The following KLHL4 variants were observed in gnomAD, a reference collection of about 807,000 sequenced individuals.
KLHL4 encodes kelch like family member 4.
Under a neutral mutation model 45.8 loss-of-function variants are expected in KLHL4, and 17 were observed. The observed-to-expected ratio is 0.37, with a 90% confidence interval of 0.25 to 0.56. The LOEUF (loss-of-function observed/expected upper bound fraction) is 0.56, where lower values mean the gene tolerates loss of function less well. KLHL4 is among the 20% of genes least tolerant of loss of function. KLHL4 has a pLI of 0.79. For missense variants in KLHL4, 544 were observed against 544.9 expected (o/e 1.00, Z 0.02); for synonymous variants, 224 against 189.9 (o/e 1.18, Z -1.47).
chrX:87,600,189 T>C (rs1309327346), intron 1 of KLHL4, among the ~76,000 whole-genome samples: 2 of 110,772 alleles, frequency 1.8e-5, no homozygotes, highest in Non-Finnish European at 3.8e-5. Flanking sequence ...TCCGGTCATT[T>C]AAAAGTGTGT....
At chrX:87,602,444 T>C (rs1482499384) in intron 1 of KLHL4, among the ~76,000 whole-genome samples, 1 of 111,391 alleles carries the variant, frequency 9.0e-6, no homozygotes, top group Non-Finnish European at 1.9e-5. Flanking sequence ...TATACCATTT[T>C]TTTATATTTT....
chrX:87,586,080 A>T (rs1206553006), intron 1 of KLHL4, among the ~76,000 whole-genome samples: 1 of 111,685 alleles, frequency 9.0e-6, no homozygotes, highest in Admixed American at 9.5e-5. Context: ...GGATCTAAAA[A>T]CTTTTCATAT....
chrX:87,620,664 A>G (rs1379173191), intron 4 of KLHL4, among the ~76,000 whole-genome samples: 1 of 112,482 alleles, frequency 8.9e-6, no homozygotes, highest in Non-Finnish European at 1.9e-5. Flanking sequence ...CACAAAAATC[A>G]TATCACTTAT....
chrX:87,536,113 T>C (rs1421941719), intron 1 of KLHL4, among the ~76,000 whole-genome samples: 1 of 111,257 alleles, frequency 9.0e-6, no homozygotes, highest in Non-Finnish European at 1.9e-5. Context: ...ATTTGGGTAA[T>C]CGAGAACCAA....
chrX:87,538,848 G>C (rs1211174105), intron 1 of KLHL4, among the ~76,000 whole-genome samples: 1 of 111,466 alleles, frequency 9.0e-6, no homozygotes, highest in Non-Finnish European at 1.9e-5. Context: ...AGACCTCAAA[G>C]CTGAACTTAA....
At chrX:87,647,679 G>A (rs1361143421) in intron 9 of KLHL4, among the ~76,000 whole-genome samples, 1 of 111,585 alleles carries the variant, frequency 9.0e-6, no homozygotes. Flanking sequence ...GCTAAACTAT[G>A]AGGATGCAAA....
intron 1 of KLHL4, among the ~76,000 whole-genome samples, chrX:87,524,962 G>A (rs1256416031): frequency 1.8e-5 from 2 of 111,806 alleles, no homozygotes; most frequent in Admixed American, 9.5e-5. Flanking sequence ...GGTATTGGTT[G>A]TTGTTTGTTT....
At chrX:87,615,843 A>G (rs190169566) in intron 3 of KLHL4, among the ~76,000 whole-genome samples, 2 of 111,310 alleles carry the variant, frequency 1.8e-5, no homozygotes, top group African/African-American at 6.5e-5. Context: ...ATGAATGTTA[A>G]TAGGTATGGA....
chrX:87,663,285 G>C (rs1385986519), intron 9 of KLHL4, among the ~76,000 whole-genome samples: 2 of 111,488 alleles, frequency 1.8e-5, no homozygotes, highest in Non-Finnish European at 3.8e-5. Context: ...AAAGTAAGGG[G>C]AGACAGAAAA....
At chrX:87,564,610 A>T (rs185535490) in intron 1 of KLHL4, among the ~76,000 whole-genome samples, 8 of 111,909 alleles carry the variant, frequency 7.1e-5, no homozygotes. Context: ...GTAAATATTG[A>T]TAAAGGACTA....
Position 87,614,469 on chromosome X carries a change from C to T in KLHL4, c.626C>T (p.Ala209Val), listed in dbSNP as rs1602444935. The change falls in exon 3 of 11, where the codon GCA becomes GTA. Residue 209 changes from alanine (A) to valine (V), a missense_variant. Ala to Val is a moderately conservative substitution (Grantham distance 64). Coordinates refer to ENST00000373119, the MANE Select transcript of KLHL4 (RefSeq NM_019117.5). ...VLSAVSDYFA[A>V]MFTNDVLEAK... is the part of the protein sequence containing the mutation. ...AGCGCAGTGTCTGATTATTTTGCTG[C>T]AATGTTTACTAATGATGTGCTTGAA... The T allele has an allele frequency of 8.3e-7, 1 of 1,207,755 alleles. No individual in the cohort carries two copies.
At chrX:87,663,189 A>G (rs180990702) in intron 9 of KLHL4, among the ~76,000 whole-genome samples, 5 of 110,747 alleles carry the variant, frequency 4.5e-5, no homozygotes, top group Admixed American at 2.9e-4. Context: ...ATTCCTAGTT[A>G]CTCTATGTGG....
intron 1 of KLHL4, among the ~76,000 whole-genome samples, chrX:87,592,344 T>C (rs150724156): frequency 0.031 from 3,420 of 111,862 alleles, 124 homozygotes; most frequent in African/African-American, 0.1. Flanking sequence ...ATCTCTTCGA[T>C]GTACTGATTT....
At chrX:87,590,124 A>G (rs918475138) in intron 1 of KLHL4, among the ~76,000 whole-genome samples, 1 of 111,061 alleles carries the variant, frequency 9.0e-6, no homozygotes, top group African/African-American at 3.3e-5. Context: ...TTTTAAAATA[A>G]CATAAAGAGT....
In KLHL4 at chrX:87,667,309, C is replaced by A. The variant is rs1223173672; in HGVS notation, c.*775C>A. On this transcript the variant is annotated 3_prime_UTR_variant, in exon 11 of 11. Coordinates refer to ENST00000373119, the MANE Select transcript of KLHL4 (RefSeq NM_019117.5). ...ATCATATTGATACAAACTGTGACCT[C>A]AGCTTCAGAGTGTCAGGGCCTCACT... is the stretch of plus-strand genomic sequence containing the variant. 23 of 712,810 alleles carry A rather than the reference C, an allele frequency of 3.2e-5. No individual in the cohort carries two copies. Among genetic ancestry groups the A allele is most frequent in the Non-Finnish European group, 3.6e-5 (22 of 603,034 alleles). The allele number at this position is 712,810 out of a possible 1,213,427, so 58.7% of individuals were successfully genotyped here.
rs1186203465 is a variant in KLHL4 at position 87,635,079 on chromosome X, C to T, written c.1713-484C>T. 1.8e-5 allele frequency among the ~76,000 whole-genome samples: 2 copies of T among 111,832 alleles called. 1 individual carries two copies. The highest frequency in any genetic ancestry group is 6.5e-5 in the African/African-American group (2 of 30,803). ...AAAAATCTAGTTTCTAGGTTCTATC[C>T]TCTTTCCTTAGTTGTTTATTAAGCT... On this transcript the variant is annotated intron_variant, in intron 8 of 10. Transcript: ENST00000373119.
Position 87,574,162 on chromosome X carries a change from T to A in KLHL4, c.423-39715T>A, listed in dbSNP as rs1185285256. ...ATATAATTTAAAAATGTAAAATATATTAAAACAAGTGTTGAGCTATAATCC... is the reference window on the plus strand; with the variant it reads ...ATATAATTTAAAAATGTAAAATATAATAAAACAAGTGTTGAGCTATAATCC... On this transcript the variant is annotated intron_variant, in intron 1 of 10. Coordinates refer to ENST00000373119, the MANE Select transcript of KLHL4 (RefSeq NM_019117.5). 3.6e-5 allele frequency among the ~76,000 whole-genome samples: 4 copies of A among 111,756 alleles called. No homozygotes were observed. In the Admixed American group the frequency reaches 3.8e-4, roughly 11 times the overall value.
intron 9 of KLHL4, among the ~76,000 whole-genome samples, chrX:87,636,385 A>G (rs768509698): frequency 9.8e-5 from 11 of 111,941 alleles, no homozygotes; most frequent in African/African-American, 2.9e-4. Context: ...TGCAGCTCCC[A>G]CTCATATAGA....
intron 1 of KLHL4, among the ~76,000 whole-genome samples, chrX:87,592,215 T>C (rs1921694244): frequency 8.9e-6 from 1 of 111,928 alleles, no homozygotes; most frequent in Admixed American, 9.5e-5. Context: ...GGCTGAATAG[T>C]ATTCCATTAT....
Sources: gnomAD v4.1 joint callset for allele counts (sites outside exome capture counted in the v4.1 genomes callset) on GRCh38, gnomAD v4.1.1 for gene constraint, MANE v1.5 for transcripts, NCBI Gene and HGNC (gene_info 2026-07-23, HGNC 2026-07-21) for gene names.